DHX30: variants seen among roughly 807,000 people sequenced by gnomAD.
The protein encoded by DHX30 is DExH-box helicase 30.
Under a neutral mutation model 116.9 loss-of-function variants are expected in DHX30, and 4 were observed. That is an observed-to-expected ratio of 0.03 (90% CI 0.02 to 0.08). The LOEUF is 0.08. Ranked by LOEUF, DHX30 falls within the 10% of genes least tolerant of loss-of-function variation. The pLI is 1.00. For missense variants in DHX30, 871 were observed against 1,595.1 expected, an observed-to-expected ratio of 0.55 and a Z score of 7.73; for synonymous variants, 697 against 651.7, an observed-to-expected ratio of 1.07 and a Z score of -1.06.
At chr3:47,844,416 T>C (rs1383286099) in intron 9 of DHX30, among the ~76,000 whole-genome samples, 1 of 152,218 alleles carries the variant, frequency 6.6e-6, no homozygotes, top group Non-Finnish European at 1.5e-5. Flanking sequence ...GGTAGGGGCC[T>C]GTCTGGGAAG....
intron 1 of DHX30, among the ~76,000 whole-genome samples, chr3:47,804,200 G>T (rs917612482): frequency 6.6e-6 from 1 of 152,188 alleles, no homozygotes; most frequent in Admixed American, 6.5e-5. Flanking sequence ...ACCGGTGTTG[G>T]CTCTTTATCC....
At chr3:47,823,554 G>T (rs2036396385) in intron 4 of DHX30, among the ~76,000 whole-genome samples, 1 of 151,940 alleles carries the variant, frequency 6.6e-6, no homozygotes, top group Non-Finnish European at 1.5e-5. Context: ...AGTAGAGATG[G>T]GGTTTCACCA....
chr3:47,807,884 C>T (rs1384899522), intron 2 of DHX30, among the ~76,000 whole-genome samples: 1 of 149,500 alleles, frequency 6.7e-6, no homozygotes, highest in Non-Finnish European at 1.5e-5. Flanking sequence ...CATGAGCCAC[C>T]CCACCTAGCC....
chr3:47,815,012 C>A (rs1458220806), intron 3 of DHX30, among the ~76,000 whole-genome samples: 1 of 151,966 alleles, frequency 6.6e-6, no homozygotes, highest in Non-Finnish European at 1.5e-5. Context: ...GTGTGAGCCA[C>A]TGTGCTTGGC....
At position 47,849,202 on chromosome 3, in the gene DHX30, G is replaced by T; in HGVS notation, c.2940G>T (p.Lys980Asn). 6.2e-7 allele frequency: 1 copy of T among 1,613,996 alleles called. No individual in the cohort carries two copies. The highest frequency in any genetic ancestry group is 8.5e-7 in the Non-Finnish European group (1 of 1,179,960). ...PSLRFIHGLI[K>N]QFSENIYEAF... ...ATTCTGTCTCCCTAGGACTCATCAAGCAGTTCTCAGAGAACATTTATGAGG... is the reference window on the plus strand; with the variant it reads ...ATTCTGTCTCCCTAGGACTCATCAATCAGTTCTCAGAGAACATTTATGAGG... The change falls in exon 19 of 22, where the codon AAG becomes AAT. Residue 980 changes from lysine (K) to asparagine (N), a missense_variant. By Grantham distance (94) the Lys-to-Asn change is moderately conservative. Coordinates refer to ENST00000445061, the MANE Select transcript of DHX30 (RefSeq NM_138615.3).
chr3:47,848,270 C>T lies in DHX30; in HGVS notation c.2377C>T (p.His793Tyr). Residue 793 changes from histidine to tyrosine, a missense_variant, in exon 15 of 22, where the codon CAC becomes TAC. By Grantham distance (83) the His-to-Tyr change is moderately conservative. Coordinates refer to ENST00000445061, the MANE Select transcript of DHX30 (RefSeq NM_138615.3). The surrounding 1 kb of genome is among the most constrained non-coding windows in gnomAD (Gnocchi z 9.4). ...AGRCQSGFAY[H>Y]LFPRSRLEKM... Reference sequence around the variant, plus strand: ...CCGCTGCCAGTCCGGCTTTGCCTACCACTTGTTCCCTCGAAGCCGGCTGGA... The same window carrying T: ...CCGCTGCCAGTCCGGCTTTGCCTACTACTTGTTCCCTCGAAGCCGGCTGGA... The T allele has an allele frequency of 6.2e-7, 1 of 1,613,834 alleles. No individual in the cohort carries two copies. Among genetic ancestry groups the T allele is most frequent in the Non-Finnish European group, 8.5e-7 (1 of 1,179,972 alleles).
At chr3:47,819,262 C>T in intron 4 of DHX30, 1 of 1,367,812 alleles carries the variant, frequency 7.3e-7, no homozygotes, top group Non-Finnish European at 9.8e-7. Context: ...TCCAACATGG[C>T]AGGTGAGTGG....
At chr3:47,831,924 C>CTTTTTTTTTTTTTTTTTTTTTTT (rs1448275730) in intron 6 of DHX30, among the ~76,000 whole-genome samples, 3 of 120,380 alleles carry the variant, frequency 2.5e-5, no homozygotes, top group Non-Finnish European at 3.4e-5. Flanking sequence ...AGGCCTTTTC[C>CTTTTTTTTTTTTTTTTTTTTTTT]TTTTTCTTTT....
intron 1 of DHX30, among the ~76,000 whole-genome samples, chr3:47,803,808 T>C (rs1191150121): frequency 1.3e-5 from 2 of 152,200 alleles, no homozygotes; most frequent in Non-Finnish European, 2.9e-5. Flanking sequence ...GGTCCTTTGT[T>C]TGCAGTGAAC....
rs2037697452 is a variant in DHX30 at position 47,848,080 on chromosome 3, T to A, written c.2287-100T>A. The A allele has an allele frequency of 3.2e-6, 5 of 1,582,882 alleles. No homozygotes were observed. Among genetic ancestry groups the A allele is most frequent in the Non-Finnish European group, 4.3e-6 (5 of 1,157,774 alleles). ...TTCAGAAGGCCGCGCTTGTGGGGTC[T>A]CAGTGTTCCTGATGTAGGGGGCTGG... On this transcript the variant is annotated intron_variant, in intron 14 of 21. Transcript: ENST00000445061. This position sits in a 1 kb window ranked among gnomAD's most constrained non-coding sequence, Gnocchi z 9.4.
intron 4 of DHX30, chr3:47,824,902 G>C (rs573956055): frequency 9.9e-5 from 47 of 476,266 alleles, no homozygotes; most frequent in African/African-American, 7.8e-4. Context: ...GAGCGAGGAC[G>C]GGCTGCTGAT....
intron 6 of DHX30, among the ~76,000 whole-genome samples, chr3:47,829,661 G>A (rs375573537): frequency 1.3e-5 from 2 of 151,810 alleles, no homozygotes; most frequent in East Asian, 2.0e-4. Flanking sequence ...TTTAAAAACC[G>A]CCCAGCCTAT....
intron 2 of DHX30, 30 bp from the exon 3 acceptor site, chr3:47,810,627 C>T: frequency 1.3e-6 from 2 of 1,579,918 alleles, no homozygotes; most frequent in Non-Finnish European, 1.7e-6. Context: ...GGAATATTAA[C>T]CATTGCCTCT....
rs1336397520 is a variant in DHX30 at position 47,849,562 on chromosome 3, C to T, written c.3191+8C>T. 1 of 1,612,926 alleles carries T rather than the reference C, an allele frequency of 6.2e-7. No individual in the cohort carries two copies. The highest frequency in any genetic ancestry group is 1.7e-5 in the Admixed American group (1 of 59,998). Reference sequence around the variant, plus strand: ...CAAGTCGACCATTAACAGGTGAGGGCATGCAGGCCTGGATGGGGCAGCTGG... The same window carrying T: ...CAAGTCGACCATTAACAGGTGAGGGTATGCAGGCCTGGATGGGGCAGCTGG... On this transcript the variant is annotated splice_region_variant and intron_variant, in intron 20 of 21. Coordinates refer to ENST00000445061, the MANE Select transcript of DHX30 (RefSeq NM_138615.3).
At chr3:47,806,483 T>C (rs1365518761) in intron 2 of DHX30, among the ~76,000 whole-genome samples, 1 of 147,138 alleles carries the variant, frequency 6.8e-6, no homozygotes, top group Non-Finnish European at 1.5e-5. Flanking sequence ...TCTCACTCTG[T>C]CACCCAGGCT....
At chr3:47,825,653 C>G (rs2036520068) in intron 4 of DHX30, among the ~76,000 whole-genome samples, 1 of 152,170 alleles carries the variant, frequency 6.6e-6, no homozygotes, top group Non-Finnish European at 1.5e-5. Context: ...CTGGTGGATT[C>G]CAGCTTTGTG....
chr3:47,843,083 C>T (rs2037454595), intron 8 of DHX30, 23 bp from the exon 9 acceptor site: 1 of 1,612,654 alleles, frequency 6.2e-7, no homozygotes, highest in Non-Finnish European at 8.5e-7. Flanking sequence ...TTTCTGTAAC[C>T]ATCTCTCTTG....
At chr3:47,845,912 G>C in intron 10 of DHX30, 60 bp downstream of exon 10, 1 of 1,544,970 alleles carries the variant, frequency 6.5e-7, no homozygotes, top group East Asian at 2.3e-5. Context: ...CATCTCTCCA[G>C]ACTGAAGGCC....
At chr3:47,845,876 C>T (rs1359244221) in intron 10 of DHX30, 24 bp downstream of exon 10, 1 of 1,580,538 alleles carries the variant, frequency 6.3e-7, no homozygotes, top group Admixed American at 1.7e-5. Flanking sequence ...CATCCCTCAC[C>T]ACCCCTGCTC....
Sources: gnomAD v4.1 joint callset for allele counts (sites outside exome capture counted in the v4.1 genomes callset) on GRCh38, gnomAD v4.1.1 for gene constraint, Gnocchi (gnomAD v3.1) non-coding constraint, MANE v1.5 for transcripts, NCBI Gene and HGNC (gene_info 2026-07-23, HGNC 2026-07-21) for gene names.